Variants in CFLAR observed in about 807,000 individuals in gnomAD.
CFLAR encodes the protein CASP8 and FADD like apoptosis regulator, also known as CASP8 and FADD-like apoptosis regulator.
Under a neutral mutation model 51.1 loss-of-function variants are expected in CFLAR, and 14 were observed. The observed-to-expected ratio is 0.27, with a 90% confidence interval of 0.18 to 0.43. The LOEUF is 0.43. Among genes scored for constraint, CFLAR ranks in the 20% least tolerant of loss-of-function variants. The probability of loss-of-function intolerance (pLI) is 1.00; values close to 1 mark genes in which losing one functional copy is unlikely to be tolerated. For missense variants in CFLAR, 390 were observed against 566.5 expected (o/e 0.69, Z 3.16); for synonymous variants, 210 against 211.6 (o/e 0.99, Z 0.06).
chr2:201,155,787 C>T (rs1359789969), intron 8 of CFLAR, among the ~76,000 whole-genome samples: 1 of 152,072 alleles, frequency 6.6e-6, no homozygotes, highest in African/African-American at 2.4e-5. Context: ...CCACATCCAT[C>T]TAATTTTTAA....
At chr2:201,141,172 C>G (rs1026130500) in intron 5 of CFLAR, among the ~76,000 whole-genome samples, 4 of 152,118 alleles carry the variant, frequency 2.6e-5, no homozygotes, top group Admixed American at 6.5e-5. Context: ...GTGGAGGTTG[C>G]AGTAGCCAAA....
Position 201,138,792 on chromosome 2 carries a change from C to T in CFLAR, c.524-1565C>T. On this transcript the variant is annotated intron_variant, in intron 4 of 9. Coordinates refer to ENST00000309955, the MANE Select transcript of CFLAR (RefSeq NM_003879.7). The surrounding 1 kb of genome is among the most constrained non-coding windows in gnomAD (Gnocchi z 4.0). ...TGGGGTGCAGTTGTGGTGAATGAAA[C>T]CAGTACCTCCCATCAGAGCCATCAC... 1 of 762,590 alleles carries T rather than the reference C, an allele frequency of 1.3e-6. No individual in the cohort carries two copies. Among genetic ancestry groups the T allele is most frequent in the Non-Finnish European group, 2.4e-6 (1 of 414,908 alleles). The allele number at this position is 762,590 out of a possible 1,614,324, so 47.2% of individuals were successfully genotyped here.
chr2:201,148,722 C>T (rs926604368), intron 6 of CFLAR: 8 of 343,390 alleles, frequency 2.3e-5, no homozygotes, highest in Admixed American at 1.6e-4. Flanking sequence ...TCACCAGCCA[C>T]CTGTTCCTCA....
At position 201,140,178 on chromosome 2, in the gene CFLAR, A is replaced by C. The variant is rs900394388; in HGVS notation, c.524-179A>C. ...GGCGGGGCGGGCCAGGGCGCCCTAT[A>C]CTCCATTCTTCATGATGTTTGGTCG... On this transcript the variant is annotated intron_variant, in intron 4 of 9. Coordinates refer to ENST00000309955, the MANE Select transcript of CFLAR (RefSeq NM_003879.7). 6 of 639,778 alleles carry C rather than the reference A, an allele frequency of 9.4e-6. No homozygotes were observed. The African/African-American group carries it at 9.8e-5, about 10-fold the overall frequency. The allele number at this position is 639,778 out of a possible 1,614,324, so 39.6% of individuals were successfully genotyped here.
rs983511948 is a variant in CFLAR at position 201,171,191 on chromosome 2, G to A, written c.*7218G>A. The A allele has an allele frequency of 1.3e-5, 2 of 152,150 alleles. No individual in the cohort carries two copies. Among genetic ancestry groups the A allele is most frequent in the African/African-American group, 2.4e-5 (1 of 41,426 alleles). The allele number at this position is 152,150 out of a possible 1,614,324, so 9.4% of individuals were successfully genotyped here. A position where few individuals can be genotyped will look rare whatever the true frequency, so the allele number is the denominator to read the frequency against. Reference sequence around the variant, plus strand: ...GGTGAAGGATAAAAGAATACAAATTGGGTTCAGTGTATACTGCTCAGGTGA... The same window carrying A: ...GGTGAAGGATAAAAGAATACAAATTAGGTTCAGTGTATACTGCTCAGGTGA... On this transcript the variant is annotated 3_prime_UTR_variant, in exon 10 of 10. Transcript: ENST00000309955.
At chr2:201,145,244 A>G in intron 5 of CFLAR, 134 bp from the exon 6 acceptor site, 2 of 562,876 alleles carry the variant, frequency 3.6e-6, no homozygotes, top group Non-Finnish European at 3.2e-6. Flanking sequence ...TCTTTAGATA[A>G]TTTAACTGTT....
rs1943481677 is a variant in CFLAR at position 201,165,769 on chromosome 2, G to A, written c.*1796G>A. On this transcript the variant is annotated 3_prime_UTR_variant, in exon 10 of 10. Coordinates refer to ENST00000309955, the MANE Select transcript of CFLAR (RefSeq NM_003879.7). ...GTGTCCCTGGGTACTTGAGATTAGGGAGTGGTGATGACTCTTAAGGAGCAT... is the reference window on the plus strand; with the variant it reads ...GTGTCCCTGGGTACTTGAGATTAGGAAGTGGTGATGACTCTTAAGGAGCAT... 6.5e-6 allele frequency: 1 copy of A among 154,814 alleles called. No homozygotes were observed. The highest frequency in any genetic ancestry group is 6.5e-5 in the Admixed American group (1 of 15,294). The allele number at this position is 154,814 out of a possible 1,614,324, so 9.6% of individuals were successfully genotyped here.
chr2:201,131,540 T>C (rs1435185724), intron 2 of CFLAR, among the ~76,000 whole-genome samples: 1 of 152,090 alleles, frequency 6.6e-6, no homozygotes, highest in African/African-American at 2.4e-5. Context: ...CCAGCCGGTG[T>C]TTTTTCTCTC....
At chr2:201,159,985 G>C (rs1200695832) in intron 8 of CFLAR, among the ~76,000 whole-genome samples, 1 of 152,128 alleles carries the variant, frequency 6.6e-6, no homozygotes, top group African/African-American at 2.4e-5. Context: ...GCTGTTGGCA[G>C]GAAGCCTGTT....
In CFLAR at chr2:201,160,541, G is replaced by A. The variant is rs927280221; in HGVS notation, c.903G>A (p.Glu301=). Residue 301 remains glutamate (E), a synonymous_variant, in exon 9 of 10, where the codon GAG becomes GAA. Transcript: ENST00000309955. Reference sequence around the variant, plus strand: ...TTGGCCAATTTGCCTGTATGCCCGAGCACCGAGACTACGACAGCTTTGTGT... The same window carrying A: ...TTGGCCAATTTGCCTGTATGCCCGAACACCGAGACTACGACAGCTTTGTGT... ...QILGQFACMP[E]HRDYDSFVCV... is the part of the protein sequence containing the mutation. 1.9e-6 allele frequency: 3 copies of A among 1,612,878 alleles called. No homozygotes were observed. Among genetic ancestry groups the A allele is most frequent in the African/African-American group, 2.7e-5 (2 of 74,472 alleles).
intron 8 of CFLAR, chr2:201,151,269 A>G (rs1941235868): frequency 6.6e-6 from 1 of 152,340 alleles, no homozygotes; most frequent in East Asian, 1.9e-4. Context: ...GCTGCATCAA[A>G]AGAGAATGAG....
intron 1 of CFLAR, chr2:201,117,144 T>A (rs999026305): frequency 6.6e-6 from 1 of 152,170 alleles, no homozygotes; most frequent in Non-Finnish European, 1.5e-5. Flanking sequence ...AATAGCCTGG[T>A]CAGGGCGGTT....
At chr2:201,149,094 C>T (rs1356761527) in intron 7 of CFLAR, 42 bp downstream of exon 7, 1 of 1,316,762 alleles carries the variant, frequency 7.6e-7, no homozygotes, top group South Asian at 1.2e-5. Context: ...ATGTACATAG[C>T]TGTGGATAAC....
Position 201,138,561 on chromosome 2 carries a change from A to T in CFLAR, c.524-1796A>T. ...GAGGGTGGTGTGGTCCTTCTCAGCA[A>T]GAAAGTCGATGTCTCGGGAGGTGAC... On this transcript the variant is annotated intron_variant, in intron 4 of 9. Transcript: ENST00000309955. The surrounding 1 kb of genome is among the most constrained non-coding windows in gnomAD (Gnocchi z 4.0). 1 of 1,596,062 alleles carries T rather than the reference A, an allele frequency of 6.3e-7. No homozygotes were observed. Among genetic ancestry groups the T allele is most frequent in the Admixed American group, 1.7e-5 (1 of 59,932 alleles).
chr2:201,158,847 C>CTCA (rs770642528), intron 8 of CFLAR, among the ~76,000 whole-genome samples: 33 of 144,966 alleles, frequency 2.3e-4, no homozygotes, highest in East Asian at 3.9e-4. Flanking sequence ...GGCATTTGCC[C>CTCA]TCATCATTAT....
Position 201,172,820 on chromosome 2 carries a change from C to T in CFLAR, c.*8847C>T, listed in dbSNP as rs1175343699. 6.6e-6 allele frequency: 1 copy of T among 152,076 alleles called. No homozygotes were observed. Among genetic ancestry groups the T allele is most frequent in the Non-Finnish European group, 1.5e-5 (1 of 68,004 alleles). 9.4% of individuals were successfully genotyped at this position (152,076 alleles called of 1,614,324 possible). On this transcript the variant is annotated 3_prime_UTR_variant, in exon 10 of 10. Coordinates refer to ENST00000309955, the MANE Select transcript of CFLAR (RefSeq NM_003879.7). ...CAGTTGATCGAAATTTAGACTGTTT[C>T]CACTTTTTTGCTATTATGGATGATG...
intron 1 of CFLAR, among the ~76,000 whole-genome samples, chr2:201,126,070 C>G (rs555076412): frequency 5.1e-4 from 77 of 152,254 alleles, no homozygotes; most frequent in Non-Finnish European, 1.0e-3. Flanking sequence ...GAAAACGCCA[C>G]ACTTTGAGAT....
At chr2:201,159,309 A>G (rs1942711232) in intron 8 of CFLAR, among the ~76,000 whole-genome samples, 1 of 151,256 alleles carries the variant, frequency 6.6e-6, no homozygotes, top group Admixed American at 6.6e-5. Flanking sequence ...ACATGATATA[A>G]TAATTAATTT....
At chr2:201,137,330 A>G (rs2050271486) in intron 4 of CFLAR, 1 of 320,110 alleles carries the variant, frequency 3.1e-6, no homozygotes, top group Non-Finnish European at 6.1e-6. Context: ...AGCAGTCCTG[A>G]CTCTGCAGGG....
Sources: allele counts gnomAD v4.1 joint callset (sites outside exome capture counted in the v4.1 genomes callset), GRCh38; gene constraint gnomAD v4.1.1; non-coding constraint Gnocchi (gnomAD v3.1); transcripts MANE v1.5; gene names NCBI Gene and HGNC (gene_info 2026-07-23, HGNC 2026-07-21).